Variants in MRPS27 observed in about 807,000 individuals in gnomAD.
MRPS27 encodes small ribosomal subunit protein mS27.
In MRPS27, 43 loss-of-function variants were observed where a neutral mutation model predicts 48.9. That is an observed-to-expected ratio of 0.88 (90% CI 0.69 to 1.13). The LOEUF (loss-of-function observed/expected upper bound fraction) is 1.13, where lower values mean the gene tolerates loss of function less well. MRPS27 is among the 50% of genes most tolerant of loss of function. MRPS27 has a pLI of 0.00. For synonymous variants in MRPS27, 188 were observed against 171.9 expected, an observed-to-expected ratio of 1.09 and a Z score of -0.73; for missense variants, 467 against 476.3, an observed-to-expected ratio of 0.98 and a Z score of 0.18.
chr5:72,276,384 C>T (rs1045388330), intron 4 of MRPS27, among the ~76,000 whole-genome samples: 3 of 152,058 alleles, frequency 2.0e-5, no homozygotes, highest in Non-Finnish European at 2.9e-5. Flanking sequence ...GAAACTGGAC[C>T]CCTTCCTTAC....
chr5:72,265,587 G>A (rs770597678), intron 4 of MRPS27, among the ~76,000 whole-genome samples: 5 of 152,196 alleles, frequency 3.3e-5, no homozygotes, highest in Non-Finnish European at 7.3e-5. Context: ...ATCAAGAACA[G>A]GACTGAGCCT....
At chr5:72,295,055 G>T (rs1348735920) in intron 4 of MRPS27, among the ~76,000 whole-genome samples, 2 of 152,062 alleles carry the variant, frequency 1.3e-5, no homozygotes, top group African/African-American at 4.8e-5. Flanking sequence ...GTGTGTTTGT[G>T]TGTGTGTGTA....
chr5:72,232,396 T>C, intron 7 of MRPS27, 47 bp downstream of exon 7: 1 of 1,433,100 alleles, frequency 7.0e-7, no homozygotes, highest in Non-Finnish European at 9.6e-7. Context: ...AAGCCCCTGC[T>C]TGCCTTTTCT....
chr5:72,293,401 TAAA>T (rs1749883614), intron 4 of MRPS27, among the ~76,000 whole-genome samples: 1 of 152,110 alleles, frequency 6.6e-6, no homozygotes, highest in Non-Finnish European at 1.5e-5. Context: ...TAGTTTTGAT[TAAA>T]GCAAAAAATG....
chr5:72,312,898 G>A (rs1291548998), intron 2 of MRPS27, among the ~76,000 whole-genome samples: 2 of 152,140 alleles, frequency 1.3e-5, no homozygotes, highest in Non-Finnish European at 2.9e-5. Context: ...GATTACAGGT[G>A]TGAGCCACCA....
At chr5:72,283,423 T>TA (rs1393707511) in intron 4 of MRPS27, among the ~76,000 whole-genome samples, 2 of 152,214 alleles carry the variant, frequency 1.3e-5, no homozygotes, top group Non-Finnish European at 2.9e-5. Flanking sequence ...TACACTGGGC[T>TA]AGCTGATGAG....
chr5:72,295,665 T>C, intron 3 of MRPS27, 76 bp from the exon 4 acceptor site: 6 of 1,111,282 alleles, frequency 5.4e-6, no homozygotes, highest in Admixed American at 1.9e-5. Flanking sequence ...AGATCACACA[T>C]TGACCTTAGA....
chr5:72,235,037 G>A (rs561554079), intron 5 of MRPS27, among the ~76,000 whole-genome samples: 1 of 152,168 alleles, frequency 6.6e-6, no homozygotes, highest in South Asian at 2.1e-4. Flanking sequence ...ATCCCCTTGA[G>A]AGATTTTGAT....
Position 72,238,421 on chromosome 5 carries a change from C to T in MRPS27, c.282-293G>A, listed in dbSNP as rs144246978. Among the ~76,000 whole-genome samples, 281 of 152,296 alleles carry T rather than the reference C, an allele frequency of 1.8e-3. 2 individuals are homozygous for T. The highest frequency in any genetic ancestry group is 6.8e-3 in the Middle Eastern group (2 of 294). The stretch of plus-strand genomic sequence containing the variant: ...TATGAAAAATGATTTGGGAAAAATA[C>T]TCTACTAATCATGGCATTATGTAAA... On this transcript the variant is annotated intron_variant, in intron 4 of 10. Coordinates refer to ENST00000261413, the MANE Select transcript of MRPS27 (RefSeq NM_015084.3).
intron 6 of MRPS27, among the ~76,000 whole-genome samples, chr5:72,232,987 C>T (rs1045030930): frequency 6.6e-6 from 1 of 152,114 alleles, no homozygotes; most frequent in African/African-American, 2.4e-5. Context: ...ATAAAGGAGA[C>T]ACATATATTC....
chr5:72,267,288 T>G (rs1197501941), intron 4 of MRPS27, among the ~76,000 whole-genome samples: 1 of 152,190 alleles, frequency 6.6e-6, no homozygotes, highest in Non-Finnish European at 1.5e-5. Flanking sequence ...GCCTAAAAAT[T>G]TATCCTTATT....
chr5:72,222,857 T>C (rs995379251), intron 10 of MRPS27, among the ~76,000 whole-genome samples: 1 of 152,200 alleles, frequency 6.6e-6, no homozygotes, highest in East Asian at 1.9e-4. Context: ...AGGCTCCTCC[T>C]TACAACACTG....
intron 1 of MRPS27, among the ~76,000 whole-genome samples, chr5:72,316,306 G>C (rs186410236): frequency 1.2e-3 from 180 of 152,316 alleles, no homozygotes; most frequent in African/African-American, 4.1e-3. Context: ...AAAATAGCTT[G>C]TGATGATGGC....
Position 72,320,234 on chromosome 5 carries a change from C to T in MRPS27, c.-13G>A. The T allele has an allele frequency of 6.2e-7, 1 of 1,613,900 alleles. No homozygotes were observed. Among genetic ancestry groups the T allele is most frequent in the Non-Finnish European group, 8.5e-7 (1 of 1,179,860 alleles). On this transcript the variant is annotated 5_prime_UTR_variant, in exon 1 of 11. Coordinates refer to ENST00000261413, the MANE Select transcript of MRPS27 (RefSeq NM_015084.3). Reference sequence around the variant, plus strand: ...TGGAGGCAGCCATCTTGGAGCGTACCAAAAGGAACAGCCAACGGGTTACGG... The same window carrying T: ...TGGAGGCAGCCATCTTGGAGCGTACTAAAAGGAACAGCCAACGGGTTACGG...
chr5:72,274,097 T>A (rs995334521), intron 4 of MRPS27, among the ~76,000 whole-genome samples: 1 of 152,208 alleles, frequency 6.6e-6, no homozygotes, highest in African/African-American at 2.4e-5. Context: ...CTCACGTCTA[T>A]AATCCCAGCA....
At chr5:72,228,870 T>C (rs1747971641) in intron 7 of MRPS27, 1 of 152,312 alleles carries the variant, frequency 6.6e-6, no homozygotes. Flanking sequence ...CACTATTAAA[T>C]TGCTTTTAGA....
chr5:72,231,509 A>T (rs1181802931), intron 7 of MRPS27, among the ~76,000 whole-genome samples: 1 of 152,162 alleles, frequency 6.6e-6, no homozygotes, highest in Non-Finnish European at 1.5e-5. Flanking sequence ...TGTTCTTCCT[A>T]AATTGTAAGC....
intron 2 of MRPS27, among the ~76,000 whole-genome samples, chr5:72,306,813 T>A (rs1003481722): frequency 3.9e-5 from 6 of 152,144 alleles, no homozygotes; most frequent in African/African-American, 1.4e-4. Context: ...CCCCGATAAT[T>A]AAGTTTGTTA....
chr5:72,254,292 G>A (rs1262278475), intron 4 of MRPS27, among the ~76,000 whole-genome samples: 1 of 152,068 alleles, frequency 6.6e-6, no homozygotes, highest in Non-Finnish European at 1.5e-5. Flanking sequence ...TCTCATAGCC[G>A]GTTCACACAA....
Sources: allele counts gnomAD v4.1 joint callset (sites outside exome capture counted in the v4.1 genomes callset), GRCh38; gene constraint gnomAD v4.1.1; transcripts MANE v1.5; gene names NCBI Gene and HGNC (gene_info 2026-07-23, HGNC 2026-07-21).